TMEM108: variants seen among roughly 807,000 people sequenced by gnomAD.
The protein encoded by TMEM108 is transmembrane protein 108, also known as cancer/testis antigen 124.
In TMEM108, 12 loss-of-function variants were observed where a neutral mutation model predicts 35.1. The ratio of observed to expected loss-of-function variants is 0.34; its 90% confidence interval spans 0.22 to 0.55. TMEM108 has a LOEUF of 0.55. TMEM108 is among the 20% of genes least tolerant of loss of function. The probability of loss-of-function intolerance (pLI) is 0.89; values close to 1 mark genes in which losing one functional copy is unlikely to be tolerated. For missense variants in TMEM108, 680 were observed against 753.3 expected (o/e 0.90, Z 1.14); for synonymous variants, 287 against 308.6 (o/e 0.93, Z 0.73).
chr3:133,220,549 T>TA (rs1317282023), intron 2 of TMEM108, among the ~76,000 whole-genome samples: 1 of 152,208 alleles, frequency 6.6e-6, no homozygotes, highest in Non-Finnish European at 1.5e-5. Flanking sequence ...CACTTTTGAA[T>TA]AAAAAATATT....
intron 3 of TMEM108, among the ~76,000 whole-genome samples, chr3:133,277,336 G>A (rs1412677637): frequency 6.6e-6 from 1 of 152,158 alleles, no homozygotes; most frequent in African/African-American, 2.4e-5. Flanking sequence ...ATACAGTCAT[G>A]CATATCCACT....
chr3:133,227,938 G>A (rs1354710205), intron 2 of TMEM108, among the ~76,000 whole-genome samples: 1 of 152,024 alleles, frequency 6.6e-6, no homozygotes, highest in Non-Finnish European at 1.5e-5. Flanking sequence ...CTGAGTGGAA[G>A]AGCCAGACAC....
intron 2 of TMEM108, among the ~76,000 whole-genome samples, chr3:133,207,763 G>C (rs978364205): frequency 6.6e-6 from 1 of 152,084 alleles, no homozygotes; most frequent in African/African-American, 2.4e-5. Flanking sequence ...CAATCATATA[G>C]CATTAACATT....
chr3:133,270,835 A>ACT (rs1946761284), intron 3 of TMEM108, among the ~76,000 whole-genome samples: 1 of 151,682 alleles, frequency 6.6e-6, no homozygotes, highest in African/African-American at 2.4e-5. Flanking sequence ...ACACTCACAC[A>ACT]CACACACACC....
chr3:133,337,408 T>G lies in TMEM108; in HGVS notation c.41-42344T>G, dbSNP rs190671289. On this transcript the variant is annotated intron_variant, in intron 3 of 5. Coordinates refer to ENST00000321871, the MANE Select transcript of TMEM108 (RefSeq NM_023943.4). ...AGGGAACAGAACAAGAGTTTCTGCCTGGTAATTCAGAGAATTCTTTCAGAT... is the reference window on the plus strand; with the variant it reads ...AGGGAACAGAACAAGAGTTTCTGCCGGGTAATTCAGAGAATTCTTTCAGAT... Among the ~76,000 whole-genome samples, 354 of 152,330 alleles carry G rather than the reference T, an allele frequency of 2.3e-3. 2 individuals are homozygous for G. The highest frequency in any genetic ancestry group is 8.0e-3 in the African/African-American group (332 of 41,572).
intron 2 of TMEM108, among the ~76,000 whole-genome samples, chr3:133,208,024 A>G (rs1320810815): frequency 6.6e-6 from 1 of 152,182 alleles, no homozygotes; most frequent in African/African-American, 2.4e-5. Flanking sequence ...TTGGTCCTAT[A>G]TAAAGGTATA....
intron 2 of TMEM108, among the ~76,000 whole-genome samples, chr3:133,167,932 C>G (rs1329898058): frequency 6.6e-6 from 1 of 152,170 alleles, no homozygotes; most frequent in Non-Finnish European, 1.5e-5. Flanking sequence ...TGCCAGCACA[C>G]TGTCACCTCT....
intron 2 of TMEM108, among the ~76,000 whole-genome samples, chr3:133,216,488 A>G (rs554327657): frequency 1.3e-5 from 2 of 152,284 alleles, no homozygotes; most frequent in East Asian, 3.9e-4. Context: ...GTGATTTCCA[A>G]GAATACAATA....
intron 2 of TMEM108, among the ~76,000 whole-genome samples, chr3:133,169,411 A>G (rs2107788582): frequency 6.6e-6 from 1 of 152,350 alleles, no homozygotes; most frequent in East Asian, 1.9e-4. Flanking sequence ...ACTCTAAAAT[A>G]TCTATACAGC....
intron 2 of TMEM108, among the ~76,000 whole-genome samples, chr3:133,207,597 A>G (rs1320809601): frequency 6.6e-6 from 1 of 152,032 alleles, no homozygotes; most frequent in African/African-American, 2.4e-5. Flanking sequence ...ATTTAAATCA[A>G]TTCTGACTGC....
chr3:133,093,801 G>A (rs554556480), intron 2 of TMEM108, among the ~76,000 whole-genome samples: 2 of 152,182 alleles, frequency 1.3e-5, no homozygotes, highest in Non-Finnish European at 2.9e-5. Flanking sequence ...TGTTAGGTCA[G>A]TATATCTTTC....
At chr3:133,153,483 A>G (rs1255754636) in intron 2 of TMEM108, among the ~76,000 whole-genome samples, 1 of 152,208 alleles carries the variant, frequency 6.6e-6, no homozygotes, top group Non-Finnish European at 1.5e-5. Flanking sequence ...CAGTGAGGAA[A>G]GTGAGAAATT....
chr3:133,326,529 G>T (rs2071335519), intron 3 of TMEM108, among the ~76,000 whole-genome samples: 1 of 152,102 alleles, frequency 6.6e-6, no homozygotes, highest in African/African-American at 2.4e-5. Flanking sequence ...ATGATCAAAT[G>T]GAATAGTATA....
chr3:133,386,834 C>T (rs1012556428), intron 4 of TMEM108: 1 of 659,632 alleles, frequency 1.5e-6, no homozygotes, highest in Non-Finnish European at 1.9e-6. Context: ...AAGACCTGGA[C>T]TCAAGTTGCA....
chr3:133,275,161 C>T (rs552556650), intron 3 of TMEM108, among the ~76,000 whole-genome samples: 1 of 152,174 alleles, frequency 6.6e-6, no homozygotes, highest in South Asian at 2.1e-4. Context: ...AACTAACTGC[C>T]CACATGACCC....
chr3:133,140,279 T>G (rs961385769), intron 2 of TMEM108, among the ~76,000 whole-genome samples: 4 of 152,228 alleles, frequency 2.6e-5, no homozygotes, highest in African/African-American at 9.6e-5. Context: ...ATAGACATTA[T>G]AGTTGTAAAC....
At chr3:133,325,604 C>A (rs1317337308) in intron 3 of TMEM108, among the ~76,000 whole-genome samples, 1 of 152,020 alleles carries the variant, frequency 6.6e-6, no homozygotes, top group Non-Finnish European at 1.5e-5. Context: ...TGCCAGCAGT[C>A]CTAGCTACTT....
At chr3:133,097,155 CA>C (rs1944025781) in intron 2 of TMEM108, among the ~76,000 whole-genome samples, 1 of 152,180 alleles carries the variant, frequency 6.6e-6, no homozygotes, top group African/African-American at 2.4e-5. Context: ...CTTAGATAAG[CA>C]GTCTACTCAA....
intron 2 of TMEM108, among the ~76,000 whole-genome samples, chr3:133,096,458 G>C (rs546280735): frequency 6.6e-6 from 1 of 152,188 alleles, no homozygotes; most frequent in Admixed American, 6.5e-5. Flanking sequence ...GTGCTCAGTA[G>C]TTGTGGTATT....
Sources: allele counts gnomAD v4.1 joint callset (sites outside exome capture counted in the v4.1 genomes callset), GRCh38; gene constraint gnomAD v4.1.1; transcripts MANE v1.5; gene names NCBI Gene and HGNC (gene_info 2026-07-23, HGNC 2026-07-21).